The following CAMKMT variants were observed in gnomAD, a reference collection of about 807,000 sequenced individuals.
CAMKMT encodes CaM KMT.
CAMKMT carries 53 observed loss-of-function variants against 48.0 expected under a neutral mutation model. The observed-to-expected ratio is 1.10, with a 90% CI of 0.89 to 1.39. The LOEUF (loss-of-function observed/expected upper bound fraction) is 1.39, where lower values mean the gene tolerates loss of function less well. Ranked by LOEUF, CAMKMT falls within the 40% of genes most tolerant of loss-of-function variation. CAMKMT has a pLI of 0.00. For synonymous variants in CAMKMT, 165 were observed against 152.3 expected (o/e 1.08, Z -0.61); for missense variants, 428 against 402.7 (o/e 1.06, Z -0.54).
intron 3 of CAMKMT, among the ~76,000 whole-genome samples, chr2:44,431,232 C>T (rs1208471826): frequency 4.0e-5 from 6 of 151,558 alleles, no homozygotes; most frequent in Admixed American, 3.3e-4. Flanking sequence ...CTTTTTTTTC[C>T]CCTTTCAAGT....
intron 3 of CAMKMT, among the ~76,000 whole-genome samples, chr2:44,391,465 A>G (rs560157603): frequency 6.6e-6 from 1 of 151,990 alleles, no homozygotes; most frequent in African/African-American, 2.4e-5. Context: ...ACTTAGGTGT[A>G]TCTCATATTT....
intron 3 of CAMKMT, among the ~76,000 whole-genome samples, chr2:44,448,678 T>C (rs747849384): frequency 9.2e-5 from 14 of 152,204 alleles, no homozygotes; most frequent in African/African-American, 1.4e-4. Context: ...TTCACCTCTG[T>C]AAACATATTT....
intron 3 of CAMKMT, among the ~76,000 whole-genome samples, chr2:44,493,455 C>T (rs1251530434): frequency 3.9e-5 from 6 of 152,144 alleles, no homozygotes; most frequent in Admixed American, 3.9e-4. Context: ...GTCTAAACAA[C>T]CCCAGAGGAT....
At chr2:44,616,958 G>A (rs1485839386) in intron 3 of CAMKMT, among the ~76,000 whole-genome samples, 1 of 152,196 alleles carries the variant, frequency 6.6e-6, no homozygotes, top group Non-Finnish European at 1.5e-5. Flanking sequence ...AGGAAAAAAA[G>A]CTGCAGAGTT....
At chr2:44,588,303 AG>A (rs373872275) in intron 3 of CAMKMT, among the ~76,000 whole-genome samples, 10,393 of 38,622 alleles carry the variant, frequency 0.27, 1,136 homozygotes, top group Admixed American at 0.36. Flanking sequence ...TCCGGGAGGG[AG>A]GGGGGGGGTC....
At chr2:44,578,263 A>G (rs1669347856) in intron 3 of CAMKMT, among the ~76,000 whole-genome samples, 1 of 152,150 alleles carries the variant, frequency 6.6e-6, no homozygotes, top group African/African-American at 2.4e-5. Flanking sequence ...ATAATATGAG[A>G]CCATTTATTA....
chr2:44,394,904 G>T (rs1681685974), intron 3 of CAMKMT: 1 of 454,350 alleles, frequency 2.2e-6, no homozygotes, highest in African/African-American at 2.0e-5. Context: ...TGTTCCTGTA[G>T]TCCCAGCTAC....
chr2:44,424,479 G>T (rs1684150135), intron 3 of CAMKMT, among the ~76,000 whole-genome samples: 1 of 152,132 alleles, frequency 6.6e-6, no homozygotes, highest in Non-Finnish European at 1.5e-5. Flanking sequence ...GAACAGAACA[G>T]AAGGTTTCAC....
chr2:44,458,042 C>CTTTTTTT (rs541348745), intron 3 of CAMKMT, among the ~76,000 whole-genome samples: 1 of 75,396 alleles, frequency 1.3e-5, no homozygotes, highest in African/African-American at 5.6e-5. Flanking sequence ...AGCTTTGTGA[C>CTTTTTTT]TTTTTTTTTT....
intron 8 of CAMKMT, among the ~76,000 whole-genome samples, chr2:44,746,181 C>T (rs1367492131): frequency 2.0e-5 from 3 of 152,142 alleles, no homozygotes; most frequent in Non-Finnish European, 2.9e-5. Context: ...AGTCGGAGTT[C>T]AAATATTAGG....
At chr2:44,713,065 A>T (rs1303773327) in intron 6 of CAMKMT, among the ~76,000 whole-genome samples, 1 of 152,174 alleles carries the variant, frequency 6.6e-6, no homozygotes, top group Non-Finnish European at 1.5e-5. Flanking sequence ...ACTGCTGTCG[A>T]ATTTTTTTAT....
chr2:44,362,015 C>G lies in CAMKMT; in HGVS notation c.8C>G (p.Ser3Trp). 1 of 1,410,084 alleles carries G rather than the reference C, an allele frequency of 7.1e-7. No individual in the cohort carries two copies. The highest frequency in any genetic ancestry group is 9.2e-7 in the Non-Finnish European group (1 of 1,087,732). 87.3% of individuals were successfully genotyped at this position (1,410,084 alleles called of 1,614,324 possible). Residue 3 changes from serine (S) to tryptophan (W), a missense_variant, in exon 1 of 11, where the codon TCG becomes TGG. By Grantham distance (177) the Ser-to-Trp change is radical (BLOSUM62 -3). Coordinates refer to ENST00000378494, the MANE Select transcript of CAMKMT (RefSeq NM_024766.5). ...GTGGAAGGCTCCAGTGAGATGGAGT[C>G]GCGAGTCGCGGACGCTGGGACCGGC... ME[S>W]RVADAGTGET...
chr2:44,592,919 T>A (rs576142614), intron 3 of CAMKMT, among the ~76,000 whole-genome samples: 34 of 152,354 alleles, frequency 2.2e-4, no homozygotes, highest in Middle Eastern at 6.8e-3. Flanking sequence ...TCTATAAATG[T>A]CAATTAAGTT....
chr2:44,522,945 C>T (rs1671195589), intron 3 of CAMKMT, among the ~76,000 whole-genome samples: 1 of 151,770 alleles, frequency 6.6e-6, no homozygotes, highest in Admixed American at 6.5e-5. Flanking sequence ...TTTCATACTA[C>T]CAAATTTCAA....
At chr2:44,668,551 T>C (rs1675140653) in intron 3 of CAMKMT, among the ~76,000 whole-genome samples, 1 of 152,214 alleles carries the variant, frequency 6.6e-6, no homozygotes, top group South Asian at 2.1e-4. Flanking sequence ...CTCTTTTTCA[T>C]AGCAAAGTAC....
rs868107121 is a variant in CAMKMT, at chr2:44,666,917, A to C, written c.377-37366A>C. Among the ~76,000 whole-genome samples, 8 of 152,236 alleles carry C rather than the reference A, an allele frequency of 5.3e-5. No individual in the cohort carries two copies. In the South Asian group the frequency reaches 1.5e-3, roughly 28 times the overall value. On this transcript the variant is annotated intron_variant, in intron 3 of 10. Transcript: ENST00000378494. ...GCTACCACGCCCAGCTATGTTCTTA[A>C]TTTGTTAAGAATCCATACAGGAGGA... is the stretch of plus-strand genomic sequence containing the variant.
At chr2:44,533,050 G>A (rs1666576794) in intron 3 of CAMKMT, among the ~76,000 whole-genome samples, 1 of 151,564 alleles carries the variant, frequency 6.6e-6, no homozygotes, top group South Asian at 2.1e-4. Flanking sequence ...CTGACTTCAG[G>A]TGATTCACCC....
chr2:44,581,816 T>C (rs1265874630), intron 3 of CAMKMT, among the ~76,000 whole-genome samples: 5 of 151,948 alleles, frequency 3.3e-5, no homozygotes, highest in African/African-American at 4.8e-5. Flanking sequence ...CTGGCCAATA[T>C]GGTGAAACCC....
intron 3 of CAMKMT, among the ~76,000 whole-genome samples, chr2:44,620,546 A>T (rs1672122744): frequency 1.3e-5 from 2 of 152,222 alleles, no homozygotes; most frequent in South Asian, 4.1e-4. Flanking sequence ...TGGTCATTTT[A>T]CCCATTCCCC....
Sources: gnomAD v4.1 joint callset for allele counts (sites outside exome capture counted in the v4.1 genomes callset) on GRCh38, gnomAD v4.1.1 for gene constraint, MANE v1.5 for transcripts, NCBI Gene and HGNC (gene_info 2026-07-23, HGNC 2026-07-21) for gene names.